TNFRSF11A: variants seen among roughly 807,000 people sequenced by gnomAD.
TNFRSF11A encodes TNF receptor superfamily member 11a, also known as tumor necrosis factor receptor superfamily member 11A.
TNFRSF11A carries 32 observed loss-of-function variants against 55.7 expected under a neutral mutation model. That is an observed-to-expected ratio of 0.57 (90% CI 0.43 to 0.77). The LOEUF is 0.77. Ranked by LOEUF, TNFRSF11A falls within the 30% of genes least tolerant of loss-of-function variation. The pLI is 0.00. For missense variants in TNFRSF11A, 753 were observed against 809.8 expected, an observed-to-expected ratio of 0.93 and a Z score of 0.85; for synonymous variants, 311 against 331.0, an observed-to-expected ratio of 0.94 and a Z score of 0.65.
intron 4 of TNFRSF11A, 93 bp downstream of exon 4, chr18:62,354,627 G>T: frequency 1.3e-6 from 2 of 1,574,050 alleles, no homozygotes; most frequent in South Asian, 1.1e-5. Context: ...GAAAGCTCCA[G>T]GGTGCTAGGC....
chr18:62,351,184 G>T (rs1322324154), intron 3 of TNFRSF11A, among the ~76,000 whole-genome samples: 2 of 151,652 alleles, frequency 1.3e-5, no homozygotes, highest in African/African-American at 4.8e-5. Context: ...TGTATTTTTA[G>T]TAGGGCTGAG....
At chr18:62,328,677 A>G (rs1237231672) in intron 1 of TNFRSF11A, among the ~76,000 whole-genome samples, 1 of 152,134 alleles carries the variant, frequency 6.6e-6, no homozygotes, top group Non-Finnish European at 1.5e-5. Flanking sequence ...GCTCTGTGCC[A>G]CCTTTCCTCC....
rs568381798 is a variant in TNFRSF11A, at chr18:62,390,357, G to A, written c.*5323G>A. On this transcript the variant is annotated 3_prime_UTR_variant, in exon 10 of 10. Transcript: ENST00000586569. ...GTCTTAAAAGACTATGATTAAAATG[G>A]GCATCAGTGTAGGCAACATGTAGGG... is the stretch of plus-strand genomic sequence containing the variant. The A allele has an allele frequency of 6.6e-6, 1 of 152,282 alleles. No homozygotes were observed. The highest frequency in any genetic ancestry group is 2.1e-4 in the South Asian group (1 of 4,820). 9.4% of individuals were successfully genotyped at this position (152,282 alleles called of 1,614,324 possible).
intron 1 of TNFRSF11A, among the ~76,000 whole-genome samples, chr18:62,337,000 T>C (rs1399440858): frequency 1.3e-5 from 2 of 152,118 alleles, no homozygotes; most frequent in African/African-American, 4.8e-5. Flanking sequence ...AAGAAGCACA[T>C]CTGGAATCAA....
chr18:62,391,186 T>A lies in TNFRSF11A; in HGVS notation c.*6152T>A, dbSNP rs1242864625. On this transcript the variant is annotated 3_prime_UTR_variant, in exon 10 of 10. Coordinates refer to ENST00000586569, the MANE Select transcript of TNFRSF11A (RefSeq NM_003839.4). The stretch of plus-strand genomic sequence containing the variant: ...GGTGGGTACACCAGTAGTTCCATTT[T>A]TTTTCTGAGTAGTAGTCCATTGTAT... 2 of 152,270 alleles carry A rather than the reference T, an allele frequency of 1.3e-5. No individual in the cohort carries two copies. The highest frequency in any genetic ancestry group is 4.8e-5 in the African/African-American group (2 of 41,464). The allele number at this position is 152,270 out of a possible 1,614,324, so 9.4% of individuals were successfully genotyped here.
chr18:62,365,120 C>T (rs1909981542), intron 7 of TNFRSF11A, among the ~76,000 whole-genome samples: 1 of 152,136 alleles, frequency 6.6e-6, no homozygotes, highest in South Asian at 2.1e-4. Flanking sequence ...ACCACCATGC[C>T]CGGCTAATTT....
intron 1 of TNFRSF11A, among the ~76,000 whole-genome samples, chr18:62,340,447 T>C (rs2046295902): frequency 6.6e-6 from 1 of 151,634 alleles, no homozygotes; most frequent in African/African-American, 2.4e-5. Context: ...CTCCCACTTC[T>C]GCCTCCCCAA....
At chr18:62,373,955 T>G (rs1910726088) in intron 9 of TNFRSF11A, 1 of 152,236 alleles carries the variant, frequency 6.6e-6, no homozygotes, top group Admixed American at 6.5e-5. Flanking sequence ...CCTCCCCTCC[T>G]TTCTTCCCCT....
rs1600430183 is a variant in TNFRSF11A, at chr18:62,383,396, G to A, written c.1568-1355G>A. Among the ~76,000 whole-genome samples, 1 of 152,104 alleles carries A rather than the reference G, an allele frequency of 6.6e-6. No homozygotes were observed. ...CATCCAAAACATGCCTTCCAAATTC[G>A]AGGAAAATCTCGTGTGGAGTGGTAA... On this transcript the variant is annotated intron_variant, in intron 9 of 9. Coordinates refer to ENST00000586569, the MANE Select transcript of TNFRSF11A (RefSeq NM_003839.4). The surrounding 1 kb of genome is among the most constrained non-coding windows in gnomAD (Gnocchi z 4.2).
intron 1 of TNFRSF11A, among the ~76,000 whole-genome samples, chr18:62,326,530 G>C (rs922092432): frequency 6.6e-6 from 1 of 152,282 alleles, no homozygotes; most frequent in Admixed American, 6.5e-5. Flanking sequence ...CAGGTTGAAC[G>C]GGGTGCTACC....
chr18:62,367,727 A>G (rs1910190751), intron 8 of TNFRSF11A, among the ~76,000 whole-genome samples: 1 of 149,536 alleles, frequency 6.7e-6, no homozygotes, highest in African/African-American at 2.5e-5. Context: ...CACATTTGAT[A>G]TTAAATTTTC....
chr18:62,366,941 C>T (rs1390392649), intron 8 of TNFRSF11A, among the ~76,000 whole-genome samples, 181 bp downstream of exon 8: 2 of 152,150 alleles, frequency 1.3e-5, no homozygotes, highest in African/African-American at 2.4e-5. Flanking sequence ...CTCCACCTCC[C>T]AGGGTCAAGT....
intron 9 of TNFRSF11A, among the ~76,000 whole-genome samples, chr18:62,374,450 A>T (rs568678256): frequency 3.9e-5 from 6 of 152,372 alleles, no homozygotes; most frequent in African/African-American, 9.6e-5. Context: ...TAAGTTTTTT[A>T]AAAAATTCCA....
chr18:62,384,440 TTCCTC>T (rs1333652402), intron 9 of TNFRSF11A, among the ~76,000 whole-genome samples: 3 of 117,926 alleles, frequency 2.5e-5, no homozygotes, highest in Admixed American at 8.0e-5. Context: ...CACCCTTTCT[TTCCTC>T]TCCTCCTCCT....
chr18:62,357,260 A>G (rs983923624), intron 4 of TNFRSF11A, among the ~76,000 whole-genome samples: 1 of 152,248 alleles, frequency 6.6e-6, no homozygotes, highest in Non-Finnish European at 1.5e-5. Context: ...GGCACCAGCC[A>G]GTTGCCTGAT....
At chr18:62,365,067 C>G (rs939177595) in intron 7 of TNFRSF11A, among the ~76,000 whole-genome samples, 2 of 152,172 alleles carry the variant, frequency 1.3e-5, no homozygotes, top group African/African-American at 4.8e-5. Flanking sequence ...CTCAAACAAT[C>G]CTCCCACCTC....
chr18:62,352,275 T>G (rs1417523777), intron 3 of TNFRSF11A, among the ~76,000 whole-genome samples: 1 of 152,268 alleles, frequency 6.6e-6, no homozygotes, highest in Non-Finnish European at 1.5e-5. Flanking sequence ...TTTTATTTAG[T>G]GACCTCAGTC....
chr18:62,337,107 A>C (rs1206362279), intron 1 of TNFRSF11A, among the ~76,000 whole-genome samples: 1 of 152,248 alleles, frequency 6.6e-6, no homozygotes, highest in East Asian at 1.9e-4. Flanking sequence ...CAGAATGGTG[A>C]ATATGTCAGG....
At chr18:62,363,044 A>G (rs1230435208) in intron 7 of TNFRSF11A, among the ~76,000 whole-genome samples, 4 of 151,912 alleles carry the variant, frequency 2.6e-5, no homozygotes, top group Non-Finnish European at 5.9e-5. Flanking sequence ...GGGTTTGACC[A>G]TGTTGGCCAG....
Sources: allele counts gnomAD v4.1 joint callset (sites outside exome capture counted in the v4.1 genomes callset), GRCh38; gene constraint gnomAD v4.1.1; non-coding constraint Gnocchi (gnomAD v3.1); transcripts MANE v1.5; gene names NCBI Gene and HGNC (gene_info 2026-07-23, HGNC 2026-07-21).